Variants in KCNG3 observed in about 807,000 individuals in gnomAD.
The protein encoded by KCNG3 is voltage-gated potassium channel regulatory subunit KCNG3.
KCNG3 carries 15 observed loss-of-function variants against 29.0 expected under a neutral mutation model. The ratio of observed to expected loss-of-function variants is 0.52; its 90% CI spans 0.35 to 0.80. The LOEUF is 0.80. Ranked by LOEUF, KCNG3 falls within the 30% of genes least tolerant of loss-of-function variation. The probability of loss-of-function intolerance (pLI) is 0.01; values close to 1 mark genes in which losing one functional copy is unlikely to be tolerated. For synonymous variants in KCNG3, 322 were observed against 248.9 expected, an observed-to-expected ratio of 1.29 and a Z score of -2.76; for missense variants, 512 against 605.7, an observed-to-expected ratio of 0.85 and a Z score of 1.62.
the KCNG3 span, chr2:42,413,798 A>C: frequency 6.6e-6 from 1 of 152,256 alleles, no homozygotes; most frequent in African/African-American, 2.4e-5. Flanking sequence ...AAACCATCAG[A>C]TCTCGTGAGA....
the KCNG3 span, among the ~76,000 whole-genome samples, chr2:42,417,468 G>A: frequency 9.9e-5 from 15 of 151,850 alleles, no homozygotes; most frequent in Admixed American, 7.2e-4. Context: ...CCACAGGCAC[G>A]CACTAACACA....
At position 42,458,021 on chromosome 2, in the gene KCNG3, T is replaced by G. The variant is rs200547881; in HGVS notation, c.666-13442A>C. On this transcript the variant is annotated intron_variant, in intron 1 of 1. Coordinates refer to ENST00000306078, the MANE Select transcript of KCNG3 (RefSeq NM_133329.6). ...TGTACTCACTGACTAAGTCATACCT[T>G]GAATCACGCCTGGGATTCATGGATG... is the stretch of plus-strand genomic sequence containing the variant. Among the ~76,000 whole-genome samples, 12 of 152,272 alleles carry G rather than the reference T, an allele frequency of 7.9e-5. No individual in the cohort carries two copies. In the East Asian group the frequency reaches 1.3e-3, roughly 17 times the overall value.
At chr2:42,485,576 C>T (rs967915399) in intron 1 of KCNG3, among the ~76,000 whole-genome samples, 1 of 152,074 alleles carries the variant, frequency 6.6e-6, no homozygotes, top group Non-Finnish European at 1.5e-5. Flanking sequence ...TCCCGAGTAG[C>T]TCGGACTACA....
intron 1 of KCNG3, among the ~76,000 whole-genome samples, chr2:42,483,570 C>T (rs1302832789): frequency 6.6e-6 from 1 of 152,174 alleles, no homozygotes; most frequent in Non-Finnish European, 1.5e-5. Context: ...ACCTAAATCT[C>T]AGGCATAAAA....
chr2:42,477,038 A>AG (rs944893929), intron 1 of KCNG3, among the ~76,000 whole-genome samples: 4 of 148,936 alleles, frequency 2.7e-5, no homozygotes, highest in Admixed American at 2.7e-4. Flanking sequence ...TATAAAAAAA[A>AG]AAAATTAGCC....
At chr2:42,469,000 A>ATAAATT (rs917699259) in intron 1 of KCNG3, among the ~76,000 whole-genome samples, 2 of 151,590 alleles carry the variant, frequency 1.3e-5, no homozygotes, top group Non-Finnish European at 2.9e-5. Flanking sequence ...CCCTAAATCC[A>ATAAATT]TAAATTTAAT....
At chr2:42,454,303 C>G (rs1476060531) in intron 1 of KCNG3, among the ~76,000 whole-genome samples, 4 of 152,150 alleles carry the variant, frequency 2.6e-5, no homozygotes, top group Non-Finnish European at 4.4e-5. Context: ...TGCACACCCA[C>G]TTTCACAAAT....
chr2:42,403,326 G>C, the KCNG3 span, among the ~76,000 whole-genome samples: 4 of 152,038 alleles, frequency 2.6e-5, no homozygotes, highest in South Asian at 6.2e-4. Context: ...ATTTTTTTCT[G>C]GAGACGAGAT....
rs564833668 is a variant in KCNG3, at chr2:42,474,460, G to A, written c.665+18377C>T. On this transcript the variant is annotated intron_variant, in intron 1 of 1. Transcript: ENST00000306078. ...CGAGAATCGCTTGAACCCAGGAGGC[G>A]CAGGTTGCAGTGAGCCAAGATGGCA... Among the ~76,000 whole-genome samples the A allele has an allele frequency of 1.8e-4, 27 of 151,740 alleles. 1 individual carries two copies. In the South Asian group the frequency reaches 5.2e-3, roughly 29 times the overall value.
the KCNG3 span, among the ~76,000 whole-genome samples, chr2:42,416,092 T>C: frequency 6.6e-6 from 1 of 151,790 alleles, no homozygotes; most frequent in South Asian, 2.1e-4. Flanking sequence ...CTGATTGGGA[T>C]CAGCTGGGAT....
intron 1 of KCNG3, among the ~76,000 whole-genome samples, chr2:42,472,788 A>G (rs1275055212): frequency 6.8e-6 from 1 of 147,860 alleles, no homozygotes; most frequent in Non-Finnish European, 1.5e-5. Flanking sequence ...GCTCAACGAT[A>G]TATCTATAGA....
At chr2:42,423,257 G>A in the KCNG3 span, among the ~76,000 whole-genome samples, 1 of 152,108 alleles carries the variant, frequency 6.6e-6, no homozygotes. Flanking sequence ...CTTGAATGAT[G>A]ACCACAGTAA....
At chr2:42,397,252 A>C in the KCNG3 span, among the ~76,000 whole-genome samples, 1 of 152,148 alleles carries the variant, frequency 6.6e-6, no homozygotes, top group African/African-American at 2.4e-5. Context: ...CTCAAAAAAA[A>C]AAAAGAGAAA....
chr2:42,493,275 T>G lies in KCNG3; in HGVS notation c.227A>C (p.Tyr76Ser). ...HSEAFGFILL[Y>S]VRGHGKLRFA... ...GCGCAGCTTGCCGTGGCCGCGCACG[T>G]AGAGCAGGATGAAGCCGAAGGCCTC... The change falls in exon 1 of 2, where the codon TAC becomes TCC. Residue 76 changes from tyrosine to serine, a missense_variant. Physicochemically the swap from Tyr to Ser is moderately radical, Grantham distance 144. This residue lies in a region of KCNG3 where 91 missense variants were observed against 91.1 expected (regional missense o/e 1.00). Transcript: ENST00000306078. 1 of 1,612,150 alleles carries G rather than the reference T, an allele frequency of 6.2e-7. No homozygotes were observed. Among genetic ancestry groups the G allele is most frequent in the Non-Finnish European group, 8.5e-7 (1 of 1,179,740 alleles).
the KCNG3 span, among the ~76,000 whole-genome samples, chr2:42,430,405 AATAAATAC>A: frequency 1.3e-5 from 2 of 151,234 alleles, no homozygotes; most frequent in African/African-American, 2.4e-5. Context: ...TAAATAAATA[AATAAATAC>A]GCTAACCAAC....
At chr2:42,411,464 T>C in the KCNG3 span, among the ~76,000 whole-genome samples, 1 of 152,058 alleles carries the variant, frequency 6.6e-6, no homozygotes, top group African/African-American at 2.4e-5. Context: ...ATTTTTAAAG[T>C]TTTCTTCATA....
chr2:42,479,688 G>A (rs1033427687), intron 1 of KCNG3, among the ~76,000 whole-genome samples: 2 of 151,220 alleles, frequency 1.3e-5, no homozygotes, highest in African/African-American at 4.9e-5. Context: ...AAAAAGAGTG[G>A]CATAAATGAG....
chr2:42,438,189 T>A (rs1030821871), downstream of KCNG3, among the ~76,000 whole-genome samples: 3 of 152,076 alleles, frequency 2.0e-5, no homozygotes, highest in Non-Finnish European at 1.5e-5. Context: ...ACAGCAGATG[T>A]CACTGCTTGA....
the KCNG3 span, among the ~76,000 whole-genome samples, chr2:42,431,933 G>C: frequency 6.6e-6 from 1 of 151,912 alleles, no homozygotes; most frequent in Admixed American, 6.6e-5. Context: ...CAGCTACTCG[G>C]GAGGCTGAGG....
Sources: gnomAD v4.1 joint callset for allele counts (sites outside exome capture counted in the v4.1 genomes callset) on GRCh38, gnomAD v4.1.1 for gene constraint, gnomAD v4.1.1 regional missense constraint, MANE v1.5 for transcripts, NCBI Gene and HGNC (gene_info 2026-07-23, HGNC 2026-07-21) for gene names.